RALGAPA2: variants seen among roughly 807,000 people sequenced by gnomAD.
The protein encoded by RALGAPA2 is Ral GTPase activating protein catalytic subunit alpha 2, also known as ral GTPase-activating protein subunit alpha-2.
A neutral mutation model predicts 230.4 loss-of-function variants in RALGAPA2; 139 were observed. The observed-to-expected ratio is 0.60, with a 90% CI of 0.53 to 0.69. The LOEUF (loss-of-function observed/expected upper bound fraction) is 0.69. Among genes scored for constraint, RALGAPA2 ranks in the 30% least tolerant of loss-of-function variants. The pLI is 0.00. For synonymous variants in RALGAPA2, 847 were observed against 837.8 expected, an observed-to-expected ratio of 1.01 and a Z score of -0.19; for missense variants, 2,163 against 2,276.0, an observed-to-expected ratio of 0.95 and a Z score of 1.01.
At chr20:20,639,507 C>A (rs1401984722) in intron 7 of RALGAPA2, among the ~76,000 whole-genome samples, 1 of 152,168 alleles carries the variant, frequency 6.6e-6, no homozygotes, top group Non-Finnish European at 1.5e-5. Flanking sequence ...GGCCCGCCTC[C>A]TCCTTCAACC....
At chr20:20,420,200 G>A (rs1274265394) in intron 37 of RALGAPA2, among the ~76,000 whole-genome samples, 1 of 152,166 alleles carries the variant, frequency 6.6e-6, no homozygotes, top group African/African-American at 2.4e-5. Flanking sequence ...TAGTAAGAGG[G>A]TGGCAGGAGG....
At chr20:20,630,956 A>C (rs929436474) in intron 9 of RALGAPA2, among the ~76,000 whole-genome samples, 4 of 152,252 alleles carry the variant, frequency 2.6e-5, no homozygotes, top group African/African-American at 9.6e-5. Context: ...TAGCAAATTA[A>C]AGATGACCAC....
intron 1 of RALGAPA2, among the ~76,000 whole-genome samples, chr20:20,692,534 G>A (rs1054715123): frequency 6.6e-6 from 1 of 152,102 alleles, no homozygotes; most frequent in Non-Finnish European, 1.5e-5. Context: ...TGGCCTGTTC[G>A]CAGCCCCAGA....
chr20:20,464,777 A>G (rs1224696881), intron 37 of RALGAPA2, among the ~76,000 whole-genome samples: 2 of 152,240 alleles, frequency 1.3e-5, no homozygotes, highest in Admixed American at 1.3e-4. Context: ...TTTAGAGCAC[A>G]ATAAAAATAT....
chr20:20,601,567 T>C (rs1415290292), intron 16 of RALGAPA2, 115 bp downstream of exon 16: 1 of 1,013,508 alleles, frequency 9.9e-7, no homozygotes, highest in Non-Finnish European at 1.4e-6. Context: ...AGACATTTCA[T>C]TTAATATAAG....
intron 31 of RALGAPA2, among the ~76,000 whole-genome samples, chr20:20,519,273 G>C (rs2062966039): frequency 6.6e-6 from 1 of 152,196 alleles, no homozygotes; most frequent in South Asian, 2.1e-4. Context: ...AGGACTGCTA[G>C]ATTTTAAGCC....
Position 20,639,853 on chromosome 20 carries a change from C to T in RALGAPA2, c.598G>A (p.Gly200Arg), listed in dbSNP as rs1344808253. The change falls in exon 7 of 40, where the codon GGG becomes AGG. Residue 200 changes from glycine to arginine, a missense_variant. Coordinates refer to ENST00000202677, the MANE Select transcript of RALGAPA2 (RefSeq NM_020343.4). ...EITPLLPAIS[G>R]EKIAEDQTCF... ...GTTTGGTCCTCAGCAATCTTCTCCC[C>T]TGATATGGCTGGTAGGAGTGGAGTG... 1 of 1,613,716 alleles carries T rather than the reference C, an allele frequency of 6.2e-7. No individual in the cohort carries two copies. The highest frequency in any genetic ancestry group is 2.2e-5 in the East Asian group (1 of 44,866).
chr20:20,660,193 A>G (rs576797508), intron 3 of RALGAPA2, among the ~76,000 whole-genome samples: 3 of 150,860 alleles, frequency 2.0e-5, no homozygotes, highest in African/African-American at 7.3e-5. Flanking sequence ...GCACCACCGC[A>G]CTCCAGCCTG....
chr20:20,395,478 G>A (rs143747629), intron 39 of RALGAPA2, among the ~76,000 whole-genome samples: 1 of 152,356 alleles, frequency 6.6e-6, no homozygotes, highest in African/African-American at 2.4e-5. Context: ...TTGGCGGCAG[G>A]AGCAGGAGGA....
At chr20:20,535,665 T>C (rs2079797784) in intron 26 of RALGAPA2, 80 bp downstream of exon 26, 2 of 1,489,360 alleles carry the variant, frequency 1.3e-6, no homozygotes, top group Admixed American at 2.4e-5. Flanking sequence ...AATAAGTGTT[T>C]TCTTTTGTAA....
chr20:20,621,698 G>C (rs2066330174), intron 10 of RALGAPA2, among the ~76,000 whole-genome samples: 2 of 152,144 alleles, frequency 1.3e-5, no homozygotes, highest in Non-Finnish European at 2.9e-5. Context: ...CAACAATTTT[G>C]ATTTAATGTG....
chr20:20,628,559 C>T (rs1262417987), intron 10 of RALGAPA2, among the ~76,000 whole-genome samples: 1 of 151,958 alleles, frequency 6.6e-6, no homozygotes, highest in African/African-American at 2.4e-5. Flanking sequence ...GCACTACTGA[C>T]ACATTGAGCC....
chr20:20,621,617 G>A (rs944164983), intron 10 of RALGAPA2, among the ~76,000 whole-genome samples: 2 of 151,976 alleles, frequency 1.3e-5, no homozygotes, highest in Non-Finnish European at 2.9e-5. Flanking sequence ...AGAGCCTCTG[G>A]CAAAGTTGTA....
chr20:20,511,798 C>T (rs555449907), intron 32 of RALGAPA2, among the ~76,000 whole-genome samples: 1 of 152,274 alleles, frequency 6.6e-6, no homozygotes, highest in Admixed American at 6.5e-5. Flanking sequence ...GTCTATCTCC[C>T]ACATCAGACC....
chr20:20,600,408 A>T (rs1352576656), intron 16 of RALGAPA2, among the ~76,000 whole-genome samples: 1 of 152,228 alleles, frequency 6.6e-6, no homozygotes, highest in Non-Finnish European at 1.5e-5. Flanking sequence ...CTAACAAAGA[A>T]TTGGGTCTCT....
Position 20,546,799 on chromosome 20 carries a change from G to A in RALGAPA2, c.3190C>T (p.Pro1064Ser). 1 of 1,610,194 alleles carries A rather than the reference G, an allele frequency of 6.2e-7. No individual in the cohort carries two copies. Among genetic ancestry groups the A allele is most frequent in the Non-Finnish European group, 8.5e-7 (1 of 1,178,794 alleles). The part of the protein sequence containing the change: ...ILNTIIRHCP[P>S]RFFSLGFPGF... ...GGAAAACCCAGGGAGAAAAAGCGGG[G>A]TGGACAGTGCCTTATGATCGTATTT... The change falls in exon 24 of 40, where the codon CCC (proline) becomes TCC (serine). Residue 1064 changes from proline to serine, a missense_variant. By Grantham distance (74) the Pro-to-Ser change is moderately conservative. Coordinates refer to ENST00000202677, the MANE Select transcript of RALGAPA2 (RefSeq NM_020343.4).
rs573825566 is a variant in RALGAPA2 at position 20,673,614 on chromosome 20, A to T, written c.270+2622T>A. On this transcript the variant is annotated intron_variant, in intron 3 of 39. Transcript: ENST00000202677. ...AGAAAATATGAATAATACTAAAACAAGTCTAAAACTATCAAAGAAATTGAA... is the reference window on the plus strand; with the variant it reads ...AGAAAATATGAATAATACTAAAACATGTCTAAAACTATCAAAGAAATTGAA... Among the ~76,000 whole-genome samples the T allele has an allele frequency of 5.3e-5, 8 of 152,330 alleles. No homozygotes were observed. The South Asian group carries it at 1.7e-3, about 32-fold the overall frequency.
At chr20:20,536,590 A>G in intron 25 of RALGAPA2, 66 bp downstream of exon 25, 1 of 1,530,358 alleles carries the variant, frequency 6.5e-7, no homozygotes, top group Non-Finnish European at 8.9e-7. Flanking sequence ...CTAATGGAAG[A>G]GATAATCATA....
chr20:20,573,075 AG>A lies in RALGAPA2; in HGVS notation c.2708-8del. Reference sequence around the variant, plus strand: ...GTGAGGCACTCGCTGCTATCTATGCAGAAAAACATGTCTGTTAACCCTGTAA... The same window carrying A: ...GTGAGGCACTCGCTGCTATCTATGCAAAAAACATGTCTGTTAACCCTGTAA... On this transcript the variant is annotated splice_region_variant and splice_polypyrimidine_tract_variant and intron_variant, in intron 20 of 39. Coordinates refer to ENST00000202677, the MANE Select transcript of RALGAPA2 (RefSeq NM_020343.4). 1 of 1,594,532 alleles carries A rather than the reference AG, an allele frequency of 6.3e-7. No homozygotes were observed. The highest frequency in any genetic ancestry group is 8.6e-7 in the Non-Finnish European group (1 of 1,169,234).
Sources: allele counts gnomAD v4.1 joint callset (sites outside exome capture counted in the v4.1 genomes callset), GRCh38; gene constraint gnomAD v4.1.1; transcripts MANE v1.5; gene names NCBI Gene and HGNC (gene_info 2026-07-23, HGNC 2026-07-21).